The following RELCH variants were observed in gnomAD, a reference collection of about 807,000 sequenced individuals.
RELCH encodes the protein RAB11-binding protein RELCH.
In RELCH, 41 loss-of-function variants were observed where a neutral mutation model predicts 150.3. The observed-to-expected ratio is 0.27, with a 90% CI of 0.21 to 0.35. The LOEUF (loss-of-function observed/expected upper bound fraction) is 0.35. Among genes scored for constraint, RELCH ranks in the 10% least tolerant of loss-of-function variants. The pLI is 1.00. For synonymous variants in RELCH, 478 were observed against 531.8 expected, an observed-to-expected ratio of 0.90 and a Z score of 1.39; for missense variants, 1,092 against 1,467.8, an observed-to-expected ratio of 0.74 and a Z score of 4.18.
At chr18:62,238,762 G>T (rs1218734788) in intron 10 of RELCH, among the ~76,000 whole-genome samples, 1 of 151,974 alleles carries the variant, frequency 6.6e-6, no homozygotes, top group Non-Finnish European at 1.5e-5. Flanking sequence ...CTCTGAATGT[G>T]CTAAAAACCA....
chr18:62,199,443 G>A (rs955993724), intron 1 of RELCH, among the ~76,000 whole-genome samples: 2 of 152,102 alleles, frequency 1.3e-5, no homozygotes, highest in Non-Finnish European at 2.9e-5. Context: ...AAATGCCTAA[G>A]GTAGACAGTT....
intron 18 of RELCH, among the ~76,000 whole-genome samples, chr18:62,266,205 T>C (rs2043552767): frequency 2.0e-5 from 3 of 152,052 alleles, no homozygotes; most frequent in Non-Finnish European, 4.4e-5. Flanking sequence ...ATATTTCAAT[T>C]TGAAAAGTTG....
intron 1 of RELCH, among the ~76,000 whole-genome samples, chr18:62,195,951 C>T (rs1469291232): frequency 6.6e-6 from 1 of 152,176 alleles, no homozygotes; most frequent in Non-Finnish European, 1.5e-5. Context: ...CCGCCTCGGC[C>T]TCCCAAAGTG....
At chr18:62,286,580 C>G (rs1031209092) in intron 25 of RELCH, among the ~76,000 whole-genome samples, 1 of 151,968 alleles carries the variant, frequency 6.6e-6, no homozygotes. Context: ...TGATCCTCAA[C>G]CAAGCAGAGA....
intron 28 of RELCH, among the ~76,000 whole-genome samples, chr18:62,304,812 C>T (rs949071507): frequency 6.6e-6 from 1 of 152,076 alleles, no homozygotes; most frequent in Non-Finnish European, 1.5e-5. Flanking sequence ...GAAATGGACT[C>T]GAAACTGTTG....
chr18:62,192,140 T>C (rs1357785150), intron 1 of RELCH, among the ~76,000 whole-genome samples: 1 of 152,254 alleles, frequency 6.6e-6, no homozygotes, highest in Non-Finnish European at 1.5e-5. Flanking sequence ...ATTTCTCTAA[T>C]GATCAGTGAT....
At position 62,231,214 on chromosome 18, in the gene RELCH, A is replaced by G; in HGVS notation, c.1469A>G (p.His490Arg). ...TCTAGGAAATTGTCTCCTGCATTCC[A>G]TCAAGCACTACTCTCTTTTTGTCGA... Reference protein sequence around the residue: ...KPNRKLSPAFHQALLSFCRMS... With the variant: ...KPNRKLSPAFRQALLSFCRMS... The change falls in exon 9 of 29, where the codon CAT (histidine) becomes CGT (arginine). Residue 490 changes from histidine to arginine, a missense_variant. His to Arg is a conservative substitution (Grantham distance 29). Around this residue, in one of 4 missense-constraint regions of RELCH, gnomAD observed 707 missense variants for 1,025.4 expected, o/e 0.69. Coordinates refer to ENST00000644646, the MANE Select transcript of RELCH (RefSeq NM_001346231.2). 2.5e-6 allele frequency: 4 copies of G among 1,605,144 alleles called. No homozygotes were observed. The highest frequency in any genetic ancestry group is 3.4e-6 in the Non-Finnish European group (4 of 1,173,446).
chr18:62,285,205 T>C (rs990278542), intron 25 of RELCH, among the ~76,000 whole-genome samples: 6 of 152,134 alleles, frequency 3.9e-5, no homozygotes, highest in African/African-American at 1.4e-4. Flanking sequence ...TGATGCCATC[T>C]CAGCTCACTG....
intron 27 of RELCH, 95 bp from the exon 28 acceptor site, chr18:62,298,695 T>A: frequency 1.6e-6 from 1 of 629,796 alleles, no homozygotes; most frequent in Non-Finnish European, 2.8e-6. Flanking sequence ...ATTAACATAT[T>A]AGCTTATAGG....
chr18:62,232,572 CCTAGAGAA>C (rs1283078232), intron 10 of RELCH, 145 bp downstream of exon 10: 2 of 594,330 alleles, frequency 3.4e-6, no homozygotes, highest in African/African-American at 3.7e-5. Flanking sequence ...CATCTCTGCT[CCTAGAGAA>C]TGGTTTTACA....
chr18:62,230,665 G>A (rs924082867), intron 8 of RELCH, among the ~76,000 whole-genome samples: 1 of 152,018 alleles, frequency 6.6e-6, no homozygotes, highest in African/African-American at 2.4e-5. Flanking sequence ...TCTTTAAAAT[G>A]TATCATGAAT....
intron 27 of RELCH, among the ~76,000 whole-genome samples, chr18:62,293,245 C>T (rs1176478956): frequency 1.3e-5 from 2 of 152,070 alleles, no homozygotes; most frequent in African/African-American, 4.8e-5. Flanking sequence ...AGAAGCAAAA[C>T]CAAAATGATA....
At chr18:62,248,930 A>G (rs891152880) in intron 11 of RELCH, among the ~76,000 whole-genome samples, 4 of 152,206 alleles carry the variant, frequency 2.6e-5, no homozygotes, top group African/African-American at 9.7e-5. Flanking sequence ...CTCAAATCAT[A>G]AAACATTTAA....
intron 1 of RELCH, among the ~76,000 whole-genome samples, chr18:62,209,412 G>A (rs958893458): frequency 3.3e-5 from 5 of 152,170 alleles, no homozygotes; most frequent in Non-Finnish European, 7.3e-5. Context: ...CCAGTGAAAT[G>A]TCTTGGTACT....
intron 20 of RELCH, among the ~76,000 whole-genome samples, 184 bp from the exon 21 acceptor site, chr18:62,273,796 A>G (rs934962162): frequency 6.6e-6 from 1 of 152,212 alleles, no homozygotes; most frequent in African/African-American, 2.4e-5. Flanking sequence ...AAGTATCAAG[A>G]TAGTCTGTCT....
chr18:62,255,390 T>A lies in RELCH; in HGVS notation c.1825-17T>A. 1 of 1,578,098 alleles carries A rather than the reference T, an allele frequency of 6.3e-7. No homozygotes were observed. The highest frequency in any genetic ancestry group is 1.1e-5 in the South Asian group (1 of 90,368). ...GTATGCTGTTTATGCTTGATTTATT[T>A]ATTTTTTTTGCTCTAGATTAATCAC... is the stretch of plus-strand genomic sequence containing the variant. On this transcript the variant is annotated splice_polypyrimidine_tract_variant and intron_variant, in intron 12 of 28. Transcript: ENST00000644646.
intron 1 of RELCH, among the ~76,000 whole-genome samples, chr18:62,209,717 G>T (rs28533573): frequency 0.087 from 13,106 of 149,908 alleles, 650 homozygotes; most frequent in Middle Eastern, 0.18. Context: ...GTAGAATATT[G>T]CTGTTCTGAT....
At chr18:62,213,299 TC>T (rs1259391958) in intron 2 of RELCH, among the ~76,000 whole-genome samples, 2 of 152,176 alleles carry the variant, frequency 1.3e-5, no homozygotes, top group Non-Finnish European at 2.9e-5. Context: ...TTATGTTTTT[TC>T]CTTTAATTTC....
intron 15 of RELCH, 32 bp from the exon 16 acceptor site, chr18:62,261,479 C>T: frequency 6.2e-7 from 1 of 1,602,524 alleles, no homozygotes; most frequent in Non-Finnish European, 8.5e-7. Flanking sequence ...CTTCAAAAGA[C>T]TAAAATTAGC....
Sources: gnomAD v4.1 joint callset for allele counts (sites outside exome capture counted in the v4.1 genomes callset) on GRCh38, gnomAD v4.1.1 for gene constraint, gnomAD v4.1.1 regional missense constraint, MANE v1.5 for transcripts, NCBI Gene and HGNC (gene_info 2026-07-23, HGNC 2026-07-21) for gene names.